GATAD2A: variants seen among roughly 807,000 people sequenced by gnomAD.
The protein encoded by GATAD2A is GATA zinc finger domain containing 2A, also known as transcriptional repressor p66-alpha.
A neutral mutation model predicts 68.5 loss-of-function variants in GATAD2A; 12 were observed. That is an observed-to-expected ratio of 0.18 (90% CI 0.11 to 0.28). The LOEUF (loss-of-function observed/expected upper bound fraction) is 0.28, where lower values mean the gene tolerates loss of function less well. GATAD2A is among the 10% of genes least tolerant of loss of function. The pLI, the probability that GATAD2A is intolerant of heterozygous loss-of-function variation, is 1.00. For synonymous variants in GATAD2A, 410 were observed against 375.3 expected, an observed-to-expected ratio of 1.09 and a Z score of -1.07; for missense variants, 755 against 868.5, an observed-to-expected ratio of 0.87 and a Z score of 1.64.
At chr19:19,449,979 A>G (rs941469409) in intron 1 of GATAD2A, among the ~76,000 whole-genome samples, 2 of 151,270 alleles carry the variant, frequency 1.3e-5, no homozygotes, top group Non-Finnish European at 2.9e-5. Flanking sequence ...TTGTAGAGTC[A>G]GGGTCTTGCT....
At chr19:19,499,636 CT>C (rs2060387191) in intron 8 of GATAD2A, among the ~76,000 whole-genome samples, 1 of 152,166 alleles carries the variant, frequency 6.6e-6, no homozygotes. Flanking sequence ...TCTTAGGGTA[CT>C]TTGGTGCATC....
chr19:19,401,601 T>G (rs1445459531), upstream of GATAD2A, among the ~76,000 whole-genome samples: 1 of 152,112 alleles, frequency 6.6e-6, no homozygotes, highest in Non-Finnish European at 1.5e-5. Context: ...TTCGGGAGTA[T>G]GTGCCTGTAG....
Position 19,492,419 on chromosome 19 carries a change from C to T in GATAD2A, c.383C>T (p.Thr128Ile), listed in dbSNP as rs2059858374. 1 of 1,613,928 alleles carries T rather than the reference C, an allele frequency of 6.2e-7. No homozygotes were observed. Among genetic ancestry groups the T allele is most frequent in the Non-Finnish European group, 8.5e-7 (1 of 1,179,872 alleles). ...NGLTTVALKE[T>I]STEALMKSSP... The stretch of plus-strand genomic sequence containing the variant: ...CTGACCACGGTGGCCTTGAAGGAGA[C>T]TAGCACCGAGGCCCTCATGGTGAGC... Residue 128 changes from threonine to isoleucine, a missense_variant, in exon 3 of 12, where the codon ACT (threonine) becomes ATT (isoleucine). Transcript: ENST00000683918.
At chr19:19,404,879 C>G (rs2050048422), upstream of GATAD2A, among the ~76,000 whole-genome samples, 1 of 152,152 alleles carries the variant, frequency 6.6e-6, no homozygotes, top group Non-Finnish European at 1.5e-5. Flanking sequence ...GGGGATTCCT[C>G]AGAACCTGAT....
intron 1 of GATAD2A, among the ~76,000 whole-genome samples, chr19:19,408,458 A>G (rs1327909937): frequency 2.0e-5 from 3 of 152,236 alleles, no homozygotes; most frequent in Non-Finnish European, 4.4e-5. Context: ...GAATGTCAAT[A>G]AAGGTCTCTA....
chr19:19,504,640 C>CTTTTTTT (rs36052091), intron 11 of GATAD2A, among the ~76,000 whole-genome samples: 1 of 137,162 alleles, frequency 7.3e-6, no homozygotes. Flanking sequence ...TTTTTTTTTC[C>CTTTTTTT]TTTTTTTTTT....
At position 19,496,187 on chromosome 19, in the gene GATAD2A, C is replaced by T. The variant is rs528154163; in HGVS notation, c.892C>T (p.Pro298Ser). The part of the protein sequence containing the change: ...QQGLIRVANV[P>S]NTSLLVNIPQ... ...GGGCCTCATCCGCGTCGCCAATGTT[C>T]CCAACACCAGCCTGCTCGTCAACAT... The change falls in exon 7 of 12, where the codon CCC (proline) becomes TCC (serine). Residue 298 changes from proline (P) to serine (S), a missense_variant. Transcript: ENST00000683918. 6.2e-7 allele frequency: 1 copy of T among 1,613,844 alleles called. No individual in the cohort carries two copies. The highest frequency in any genetic ancestry group is 8.5e-7 in the Non-Finnish European group (1 of 1,179,990).
intron 1 of GATAD2A, among the ~76,000 whole-genome samples, chr19:19,433,008 G>A (rs2053920875): frequency 6.6e-6 from 1 of 152,220 alleles, no homozygotes; most frequent in African/African-American, 2.4e-5. Context: ...GAGTGACTGG[G>A]TGGTGGGTGG....
chr19:19,470,092 G>A (rs1046585989), intron 2 of GATAD2A, among the ~76,000 whole-genome samples: 1 of 151,196 alleles, frequency 6.6e-6, no homozygotes, highest in Admixed American at 6.6e-5. Context: ...ATTAATAAGA[G>A]ATAAAAGACA....
At chr19:19,464,579 C>T (rs1322147929) in intron 1 of GATAD2A, 2 of 152,248 alleles carry the variant, frequency 1.3e-5, no homozygotes, top group Non-Finnish European at 2.9e-5. Flanking sequence ...TTTGTCTCTC[C>T]GACTGAATCC....
rs1359950241 is a variant in GATAD2A at position 19,492,369 on chromosome 19, G to C, written c.333G>C (p.Gln111His). 1 of 1,612,916 alleles carries C rather than the reference G, an allele frequency of 6.2e-7. No homozygotes were observed. The highest frequency in any genetic ancestry group is 8.5e-7 in the Non-Finnish European group (1 of 1,179,410). The change falls in exon 3 of 12, where the codon CAG (glutamine) becomes CAC (histidine). Residue 111 changes from glutamine (Q) to histidine (H), a missense_variant. Coordinates refer to ENST00000683918, the MANE Select transcript of GATAD2A (RefSeq NM_001384528.1). ...TGATTGTGCTCTCCGACAACGAGCA[G>C]CCCTCGAGCCCGAGAGTGAATGGGC... ...PDVIVLSDNE[Q>H]PSSPRVNGLT... is the part of the protein sequence containing the mutation.
At chr19:19,390,750 G>C (rs1052904931) in intron 1 of GATAD2A, among the ~76,000 whole-genome samples, 3 of 152,224 alleles carry the variant, frequency 2.0e-5, no homozygotes, top group Admixed American at 2.0e-4. Flanking sequence ...TGCGTATTAT[G>C]AGACTGCTTG....
intron 2 of GATAD2A, among the ~76,000 whole-genome samples, chr19:19,483,863 C>T (rs1049493615): frequency 3.3e-5 from 5 of 150,064 alleles, no homozygotes; most frequent in Non-Finnish European, 4.4e-5. Flanking sequence ...CTCTTGACCT[C>T]GTGATCCGCC....
At chr19:19,470,996 C>T (rs920668047) in intron 2 of GATAD2A, among the ~76,000 whole-genome samples, 9 of 152,192 alleles carry the variant, frequency 5.9e-5, no homozygotes, top group African/African-American at 2.2e-4. Flanking sequence ...TGGCTCACGC[C>T]TGTAATCCCA....
intron 2 of GATAD2A, among the ~76,000 whole-genome samples, chr19:19,470,044 G>A (rs1000848378): frequency 2.0e-5 from 3 of 151,890 alleles, no homozygotes; most frequent in African/African-American, 7.3e-5. Context: ...TGGAAAAAGA[G>A]GTACCATAAG....
chr19:19,442,262 G>A (rs888127851), intron 1 of GATAD2A, among the ~76,000 whole-genome samples: 1 of 152,290 alleles, frequency 6.6e-6, no homozygotes, highest in South Asian at 2.1e-4. Flanking sequence ...GACCCACAGG[G>A]GCCCTGCTGG....
intron 8 of GATAD2A, 146 bp downstream of exon 8, chr19:19,498,868 G>C: frequency 1.5e-6 from 1 of 661,144 alleles, no homozygotes; most frequent in Non-Finnish European, 2.6e-6. Context: ...GACACCGTCA[G>C]TGCCACTGTG....
At chr19:19,397,596 CTG>C (rs1309987934) in intron 1 of GATAD2A, among the ~76,000 whole-genome samples, 1 of 152,180 alleles carries the variant, frequency 6.6e-6, no homozygotes, top group African/African-American at 2.4e-5. Flanking sequence ...CATCTAGACT[CTG>C]TAATGGTATA....
At chr19:19,408,913 G>A (rs922029645) in intron 1 of GATAD2A, among the ~76,000 whole-genome samples, 29 of 152,108 alleles carry the variant, frequency 1.9e-4, no homozygotes, top group African/African-American at 7.0e-4. Flanking sequence ...CTGGTGCAGT[G>A]AGGCTCACAG....
Sources: allele counts gnomAD v4.1 joint callset (sites outside exome capture counted in the v4.1 genomes callset), GRCh38; gene constraint gnomAD v4.1.1; transcripts MANE v1.5; gene names NCBI Gene and HGNC (gene_info 2026-07-23, HGNC 2026-07-21).